Variants in COL4A6 observed in about 807,000 individuals in gnomAD.
The protein encoded by COL4A6 is collagen type IV alpha 6 chain.
Under a neutral mutation model 126.7 loss-of-function variants are expected in COL4A6, and 59 were observed. The ratio of observed to expected loss-of-function variants is 0.47; its 90% CI spans 0.38 to 0.58. The LOEUF (loss-of-function observed/expected upper bound fraction) is 0.58. Among genes scored for constraint, COL4A6 ranks in the 20% least tolerant of loss-of-function variants. COL4A6 has a pLI of 0.00. For missense variants in COL4A6, 1,285 were observed against 1,337.3 expected, an observed-to-expected ratio of 0.96 and a Z score of 0.61; for synonymous variants, 547 against 496.6, an observed-to-expected ratio of 1.10 and a Z score of -1.35.
chrX:108,166,388 T>C (rs1450600912), intron 37 of COL4A6, among the ~76,000 whole-genome samples: 1 of 112,740 alleles, frequency 8.9e-6, no homozygotes, highest in African/African-American at 3.2e-5. Context: ...TGGGATATTC[T>C]AGAAGATATT....
At chrX:108,421,211 G>A (rs1414610535) in intron 2 of COL4A6, among the ~76,000 whole-genome samples, 1 of 111,893 alleles carries the variant, frequency 8.9e-6, no homozygotes, top group African/African-American at 3.2e-5. Flanking sequence ...ATACAGAGCT[G>A]GAAGATGATG....
At chrX:108,408,914 T>C (rs1024601545) in intron 2 of COL4A6, among the ~76,000 whole-genome samples, 2 of 111,872 alleles carry the variant, frequency 1.8e-5, no homozygotes, top group African/African-American at 6.5e-5. Context: ...TGAGCTGAGA[T>C]TGCGCCATTG....
At chrX:108,401,558 T>C (rs2041088346) in intron 2 of COL4A6, among the ~76,000 whole-genome samples, 2 of 111,041 alleles carry the variant, frequency 1.8e-5, no homozygotes, top group Admixed American at 1.9e-4. Context: ...TGGAAGGATA[T>C]GAACTGAAAA....
chrX:108,321,689 A>G (rs2039034838), intron 2 of COL4A6, among the ~76,000 whole-genome samples: 1 of 111,013 alleles, frequency 9.0e-6, no homozygotes, highest in South Asian at 3.8e-4. Context: ...AAAGAGAAAA[A>G]TAATACAAGA....
At chrX:108,285,467 T>C (rs1198335854) in intron 3 of COL4A6, among the ~76,000 whole-genome samples, 3 of 111,759 alleles carry the variant, frequency 2.7e-5, no homozygotes, top group Non-Finnish European at 3.8e-5. Context: ...AAAGTGGAAA[T>C]GTCACATGGC....
At chrX:108,208,523 T>G (rs1358062646) in intron 8 of COL4A6, among the ~76,000 whole-genome samples, 1 of 111,908 alleles carries the variant, frequency 8.9e-6, no homozygotes, top group Non-Finnish European at 1.9e-5. Flanking sequence ...AAATCCATAA[T>G]AGAAAGATAG....
At chrX:108,295,213 A>T (rs1033106608) in intron 3 of COL4A6, among the ~76,000 whole-genome samples, 6 of 112,125 alleles carry the variant, frequency 5.4e-5, no homozygotes, top group African/African-American at 1.3e-4. Flanking sequence ...CAAGGAGCTC[A>T]TTTGGCATCT....
At chrX:108,273,688 G>A (rs1022014923) in intron 3 of COL4A6, among the ~76,000 whole-genome samples, 1 of 111,958 alleles carries the variant, frequency 8.9e-6, no homozygotes, top group African/African-American at 3.2e-5. Flanking sequence ...GTAGGGACAT[G>A]GATGAAGCTG....
rs2036060043 is a variant in COL4A6 at position 108,223,005 on chromosome X, G to C, written c.145-1631C>G. Among the ~76,000 whole-genome samples the C allele has an allele frequency of 5.4e-5, 6 of 111,937 alleles. No individual in the cohort carries two copies. The Admixed American group carries it at 5.7e-4, about 11-fold the overall frequency. On this transcript the variant is annotated intron_variant, in intron 3 of 44. Transcript: ENST00000334504. ...ATGGGCCTACATCAATGATAGACTG[G>C]ATAAAGAAAATGTGGCACATATACA... is the stretch of plus-strand genomic sequence containing the variant.
At chrX:108,214,680 G>C (rs1385751673) in intron 5 of COL4A6, among the ~76,000 whole-genome samples, 1 of 112,223 alleles carries the variant, frequency 8.9e-6, no homozygotes, top group Non-Finnish European at 1.9e-5. Context: ...AATGATGCTG[G>C]ATTTTGGTTA....
intron 41 of COL4A6, 88 bp from the exon 42 acceptor site, chrX:108,161,823 C>T (rs370785310): frequency 2.6e-5 from 15 of 578,024 alleles, no homozygotes; most frequent in African/African-American, 2.5e-4. Flanking sequence ...GTGTCATGCC[C>T]AAGACTCACT....
chrX:108,434,986 A>C (rs183571449), intron 2 of COL4A6, among the ~76,000 whole-genome samples: 571 of 110,479 alleles, frequency 5.2e-3, no homozygotes, highest in Non-Finnish European at 8.5e-3. Flanking sequence ...CCTTAACATA[A>C]TATTCATATA....
chrX:108,359,200 T>C (rs1003767442), intron 2 of COL4A6, among the ~76,000 whole-genome samples: 1 of 112,488 alleles, frequency 8.9e-6, no homozygotes, highest in Non-Finnish European at 1.9e-5. Context: ...TACATCATTT[T>C]ATTTTATCCT....
At chrX:108,422,852 C>A (rs1468562013) in intron 2 of COL4A6, among the ~76,000 whole-genome samples, 1 of 111,446 alleles carries the variant, frequency 9.0e-6, no homozygotes, top group Non-Finnish European at 1.9e-5. Flanking sequence ...TCTCTTCTAA[C>A]ATGACCATTG....
chrX:108,257,701 A>G (rs1427775229), intron 3 of COL4A6, among the ~76,000 whole-genome samples: 2 of 110,775 alleles, frequency 1.8e-5, no homozygotes, highest in Non-Finnish European at 3.8e-5. Context: ...TTTCTCTCAA[A>G]GTCACCTTCC....
intron 2 of COL4A6, among the ~76,000 whole-genome samples, chrX:108,404,510 T>C (rs762884172): frequency 3.3e-4 from 37 of 111,925 alleles, no homozygotes; most frequent in Non-Finnish European, 9.4e-5. Flanking sequence ...TTTCATCCTT[T>C]AGGAATGCTA....
intron 3 of COL4A6, chrX:108,267,759 G>C (rs896804262): frequency 3.6e-5 from 4 of 112,241 alleles, no homozygotes; most frequent in African/African-American, 1.3e-4. Context: ...CCACACCCTG[G>C]GATTTCACAG....
chrX:108,181,044 C>G (rs2034671425), intron 23 of COL4A6, 76 bp from the exon 24 acceptor site: 2 of 888,900 alleles, frequency 2.2e-6, no homozygotes, highest in East Asian at 6.5e-5. Flanking sequence ...TCCTTTACTT[C>G]TATTCCATTT....
intron 13 of COL4A6, 79 bp downstream of exon 13, chrX:108,202,849 C>G (rs1291839660): frequency 7.4e-6 from 6 of 815,742 alleles, no homozygotes; most frequent in African/African-American, 2.0e-5. Context: ...GGGAAGAGGT[C>G]TTTCTGTTAG....
Sources: gnomAD v4.1 joint callset for allele counts (sites outside exome capture counted in the v4.1 genomes callset) on GRCh38, gnomAD v4.1.1 for gene constraint, MANE v1.5 for transcripts, NCBI Gene and HGNC (gene_info 2026-07-23, HGNC 2026-07-21) for gene names.